Variants in SMAD6 observed in about 807,000 individuals in gnomAD.
The protein encoded by SMAD6 is SMAD family member 6, also known as MAD homolog 6.
A neutral mutation model predicts 39.4 loss-of-function variants in SMAD6; 103 were observed. The observed-to-expected ratio is 2.62, with a 90% CI of 2.23 to 3.08. The LOEUF (loss-of-function observed/expected upper bound fraction) is 3.08, where lower values mean the gene tolerates loss of function less well. SMAD6 is among the 30% of genes most tolerant of loss of function. The probability of loss-of-function intolerance (pLI) is 0.00; values close to 1 mark genes in which losing one functional copy is unlikely to be tolerated. For synonymous variants in SMAD6, 445 were observed against 353.3 expected (o/e 1.26, Z -2.91); for missense variants, 1,104 against 742.9 (o/e 1.49, Z -5.65).
intron 3 of SMAD6, 23 bp from the exon 4 acceptor site, chr15:66,780,974 C>T (rs1012670388): frequency 7.2e-6 from 11 of 1,529,954 alleles, no homozygotes; most frequent in Non-Finnish European, 9.6e-6. Flanking sequence ...AATAACGCGG[C>T]GGTCCCTGTG....
intron 3 of SMAD6, among the ~76,000 whole-genome samples, chr15:66,767,775 G>T (rs1894312587): frequency 6.6e-6 from 1 of 152,152 alleles, no homozygotes; most frequent in Non-Finnish European, 1.5e-5. Flanking sequence ...ACACAAGAAT[G>T]ATCGAGGCAA....
intron 3 of SMAD6, among the ~76,000 whole-genome samples, chr15:66,772,908 C>T (rs1036649484): frequency 2.6e-5 from 4 of 152,174 alleles, no homozygotes; most frequent in Non-Finnish European, 5.9e-5. Flanking sequence ...CCTGTTTTTG[C>T]GCCTTGGCCA....
At chr15:66,744,871 G>A (rs1893880821) in intron 3 of SMAD6, among the ~76,000 whole-genome samples, 2 of 152,176 alleles carry the variant, frequency 1.3e-5, no homozygotes, top group Non-Finnish European at 2.9e-5. Flanking sequence ...TATGGGACCT[G>A]GGCAATTGCC....
chr15:66,703,319 G>T lies in SMAD6; in HGVS notation c.61G>T (p.Asp21Tyr). ...ACTTTGGCGAAGTCGTGTGGTCCCCGACCGGGAGGAAGGCGGCAGCGGCGG... is the reference window on the plus strand; with the variant it reads ...ACTTTGGCGAAGTCGTGTGGTCCCCTACCGGGAGGAAGGCGGCAGCGGCGG... ...RRLWRSRVVP[D>Y]REEGGSGGGG... Residue 21 changes from aspartate to tyrosine, a missense_variant, in exon 1 of 4, where the codon GAC becomes TAC. By Grantham distance (160) the Asp-to-Tyr change is radical. Transcript: ENST00000288840. The T allele has an allele frequency of 6.7e-7, 1 of 1,487,514 alleles. No homozygotes were observed. The highest frequency in any genetic ancestry group is 8.9e-7 in the Non-Finnish European group (1 of 1,117,664). The allele number at this position is 1,487,514 out of a possible 1,614,324, so 92.1% of individuals were successfully genotyped here. A position where few individuals can be genotyped will look rare whatever the true frequency, so the allele number is the denominator to read the frequency against.
rs1418570348 is a variant in SMAD6 at position 66,703,278 on chromosome 15, C to G, written c.20C>G (p.Ser7Trp). 7 of 1,485,308 alleles carry G rather than the reference C, an allele frequency of 4.7e-6. No homozygotes were observed. The highest frequency in any genetic ancestry group is 2.4e-5 in the Admixed American group (1 of 41,494). 92.0% of individuals were successfully genotyped at this position (1,485,308 alleles called of 1,614,324 possible). A position where few individuals can be genotyped will look rare whatever the true frequency, so the allele number is the denominator to read the frequency against. ...TATCGTATGTTCAGGTCCAAACGCT[C>G]GGGGCTGGTGCGGCGACTTTGGCGA... is the stretch of plus-strand genomic sequence containing the variant. MFRSKR[S>W]GLVRRLWRSR... The change falls in exon 1 of 4, where the codon TCG becomes TGG. Residue 7 changes from serine (S) to tryptophan (W), a missense_variant. Physicochemically the swap from Ser to Trp is radical, Grantham distance 177. Transcript: ENST00000288840.
rs141623047 is a variant in SMAD6 at position 66,760,920 on chromosome 15, G to A, written c.953-20077G>A. Among the ~76,000 whole-genome samples the A allele has an allele frequency of 4.8e-3, 734 of 152,154 alleles. 3 individuals carry two copies. The highest frequency in any genetic ancestry group is 0.016 in the African/African-American group (682 of 41,498). On this transcript the variant is annotated intron_variant, in intron 3 of 3. Transcript: ENST00000288840. ...TGCCAGGCTGTTGAACCCTCCTCTC[G>A]AGGGATCATGACATATCAGAGTCAG...
chr15:66,704,638 G>A (rs1022546602), intron 1 of SMAD6: 1 of 152,218 alleles, frequency 6.6e-6, no homozygotes, highest in Non-Finnish European at 1.5e-5. Context: ...CCCCTCTCTG[G>A]AGTAAAGAGC....
intron 3 of SMAD6, among the ~76,000 whole-genome samples, chr15:66,736,780 C>T (rs1893719655): frequency 6.6e-6 from 1 of 152,142 alleles, no homozygotes; most frequent in Non-Finnish European, 1.5e-5. Context: ...AGTGATTCTC[C>T]TGCCTCAGCC....
At chr15:66,743,588 A>T (rs201055749) in intron 3 of SMAD6, among the ~76,000 whole-genome samples, 17 of 143,540 alleles carry the variant, frequency 1.2e-4, no homozygotes, top group African/African-American at 3.3e-4. Flanking sequence ...TTTTTTTTTT[A>T]AAAAGCAGTA....
intron 3 of SMAD6, among the ~76,000 whole-genome samples, chr15:66,761,740 C>G (rs951388058): frequency 2.2e-4 from 33 of 152,172 alleles, no homozygotes; most frequent in Admixed American, 6.5e-5. Context: ...TGAATAATCT[C>G]TAGCCCAGAC....
chr15:66,712,688 C>CAAAAAAA (rs775687604), intron 2 of SMAD6, among the ~76,000 whole-genome samples: 1 of 49,366 alleles, frequency 2.0e-5, no homozygotes, highest in Non-Finnish European at 4.3e-5. Flanking sequence ...AATTCTGTCT[C>CAAAAAAA]AAAAAAAAAA....
intron 3 of SMAD6, among the ~76,000 whole-genome samples, chr15:66,756,200 A>G (rs1342640444): frequency 1.3e-5 from 2 of 152,072 alleles, no homozygotes; most frequent in Admixed American, 6.6e-5. Context: ...CGTGGAAGCT[A>G]GGAGTGGGGG....
At position 66,781,882 on chromosome 15, in the gene SMAD6, A is replaced by C; in HGVS notation, c.*347A>C. On this transcript the variant is annotated 3_prime_UTR_variant, in exon 4 of 4. Transcript: ENST00000288840. Reference sequence around the variant, plus strand: ...TATATATATATAAAGAAAATGATACAGCAGAGCTAGGTGGAAAAGCCTGGG... The same window carrying C: ...TATATATATATAAAGAAAATGATACCGCAGAGCTAGGTGGAAAAGCCTGGG... 2.5e-6 allele frequency: 1 copy of C among 398,924 alleles called. No homozygotes were observed. Among genetic ancestry groups the C allele is most frequent in the Non-Finnish European group, 4.4e-6 (1 of 226,048 alleles). 24.7% of individuals were successfully genotyped at this position (398,924 alleles called of 1,614,324 possible). A position where few individuals can be genotyped will look rare whatever the true frequency, so the allele number is the denominator to read the frequency against.
intron 3 of SMAD6, among the ~76,000 whole-genome samples, chr15:66,769,665 A>T (rs1212714790): frequency 6.6e-6 from 1 of 152,140 alleles, no homozygotes; most frequent in East Asian, 1.9e-4. Context: ...ATTGAGGGCA[A>T]TTTTTAGGTA....
In SMAD6 at chr15:66,703,571, C is replaced by A. The variant is rs2140581252; in HGVS notation, c.313C>A (p.Leu105Met). Reference sequence around the variant, plus strand: ...AGGGGCCGGCGCTGGGAGCTCCCTGCTGGACGTGGCGGAGCCGGGAGGCCC... The same window carrying A: ...AGGGGCCGGCGCTGGGAGCTCCCTGATGGACGTGGCGGAGCCGGGAGGCCC... ...EPGAGAGSSL[L>M]DVAEPGGPGW... Residue 105 changes from leucine to methionine, a missense_variant, in exon 1 of 4, where the codon CTG becomes ATG. Physicochemically the swap from Leu to Met is conservative, Grantham distance 15 (BLOSUM62 2). Coordinates refer to ENST00000288840, the MANE Select transcript of SMAD6 (RefSeq NM_005585.5). 8.2e-7 allele frequency: 1 copy of A among 1,225,364 alleles called. No homozygotes were observed. The highest frequency in any genetic ancestry group is 1.0e-6 in the Non-Finnish European group (1 of 980,966). The allele number at this position is 1,225,364 out of a possible 1,614,324, so 75.9% of individuals were successfully genotyped here.
At chr15:66,761,840 C>A (rs1395470007) in intron 3 of SMAD6, among the ~76,000 whole-genome samples, 2 of 152,220 alleles carry the variant, frequency 1.3e-5, no homozygotes, top group Non-Finnish European at 2.9e-5. Context: ...CATTCCACGG[C>A]ACCCTGTACT....
chr15:66,759,378 A>G (rs1894159900), intron 3 of SMAD6, among the ~76,000 whole-genome samples: 1 of 152,188 alleles, frequency 6.6e-6, no homozygotes, highest in Admixed American at 6.5e-5. Context: ...TGAACAACAC[A>G]GCAAACTTTT....
At chr15:66,720,363 C>G (rs1893410169) in intron 3 of SMAD6, among the ~76,000 whole-genome samples, 1 of 151,940 alleles carries the variant, frequency 6.6e-6, no homozygotes, top group South Asian at 2.1e-4. Context: ...CTGACTCCAG[C>G]CTAGAAAAAC....
chr15:66,759,847 C>T (rs1894167788), intron 3 of SMAD6, among the ~76,000 whole-genome samples: 1 of 152,200 alleles, frequency 6.6e-6, no homozygotes, highest in Non-Finnish European at 1.5e-5. Context: ...GGTCCCTGCC[C>T]TCTGTTGGGG....
Sources: allele counts gnomAD v4.1 joint callset (sites outside exome capture counted in the v4.1 genomes callset), GRCh38; gene constraint gnomAD v4.1.1; transcripts MANE v1.5; gene names NCBI Gene and HGNC (gene_info 2026-07-23, HGNC 2026-07-21).